Variants in GSG1L observed in about 807,000 individuals in gnomAD.
GSG1L encodes the protein GSG1 like, also known as germ cell-specific gene 1-like protein.
In GSG1L, 24 loss-of-function variants were observed where a neutral mutation model predicts 42.1. The observed-to-expected ratio is 0.57, with a 90% CI of 0.41 to 0.80. GSG1L has a LOEUF of 0.80. Among genes scored for constraint, GSG1L ranks in the 30% least tolerant of loss-of-function variants. The pLI, the probability that GSG1L is intolerant of heterozygous loss-of-function variation, is 0.00. For missense variants in GSG1L, 445 were observed against 472.2 expected (o/e 0.94, Z 0.53); for synonymous variants, 215 against 203.5 (o/e 1.06, Z -0.48).
At chr16:27,803,560 A>C (rs2082908300) in intron 6 of GSG1L, among the ~76,000 whole-genome samples, 1 of 151,990 alleles carries the variant, frequency 6.6e-6, no homozygotes, top group South Asian at 2.1e-4. Context: ...TTCCAGGGAA[A>C]CACAAACCAA....
intron 3 of GSG1L, among the ~76,000 whole-genome samples, chr16:27,862,952 G>A (rs1380159525): frequency 1.3e-5 from 2 of 151,972 alleles, no homozygotes; most frequent in East Asian, 1.9e-4. Flanking sequence ...GGGAAATAGA[G>A]TTCTATATAT....
chr16:28,057,549 G>A (rs962901695), intron 1 of GSG1L, among the ~76,000 whole-genome samples: 1 of 152,182 alleles, frequency 6.6e-6, no homozygotes, highest in Non-Finnish European at 1.5e-5. Context: ...CTATGAAGTG[G>A]CTCCATATTC....
intron 5 of GSG1L, among the ~76,000 whole-genome samples, chr16:27,814,953 A>G (rs1459158663): frequency 6.6e-6 from 1 of 151,682 alleles, no homozygotes. Flanking sequence ...TTCTTTTGAC[A>G]GGGTTCCACT....
intron 1 of GSG1L, among the ~76,000 whole-genome samples, chr16:27,996,111 C>G (rs1368820738): frequency 3.9e-5 from 6 of 152,112 alleles, no homozygotes; most frequent in Non-Finnish European, 7.4e-5. Context: ...AGCGCCCTCT[C>G]TCTCTCTCTG....
chr16:27,798,124 A>T (rs186850552), intron 6 of GSG1L, among the ~76,000 whole-genome samples: 14 of 152,316 alleles, frequency 9.2e-5, no homozygotes, highest in Admixed American at 9.2e-4. Flanking sequence ...CAACCTGAGC[A>T]TTATGCAATA....
chr16:27,880,734 G>A lies in GSG1L; in HGVS notation c.550+3752C>T, dbSNP rs77924705. On this transcript the variant is annotated intron_variant, in intron 3 of 6. Transcript: ENST00000447459. ...CATGAGAAGACTGCTTGCAAGAACC[G>A]GTGTTGGCTGCCTGTGGCCAACGAC... 2.5e-3 allele frequency among the ~76,000 whole-genome samples: 382 copies of A among 152,164 alleles called. 3 individuals are homozygous for A. Among genetic ancestry groups the A allele is most frequent in the Middle Eastern group, 0.01 (3 of 294 alleles).
At chr16:27,976,732 G>A (rs2085255096) in intron 1 of GSG1L, among the ~76,000 whole-genome samples, 1 of 152,100 alleles carries the variant, frequency 6.6e-6, no homozygotes, top group Admixed American at 6.6e-5. Context: ...TCCCATGGCT[G>A]GGTCTCTGTT....
chr16:28,062,218 C>T (rs1251276926), intron 1 of GSG1L, among the ~76,000 whole-genome samples: 1 of 152,236 alleles, frequency 6.6e-6, no homozygotes, highest in Non-Finnish European at 1.5e-5. Flanking sequence ...CCCCTGGGCC[C>T]TGCCACAGCC....
At chr16:28,045,657 A>G (rs2141189232) in intron 1 of GSG1L, among the ~76,000 whole-genome samples, 1 of 152,286 alleles carries the variant, frequency 6.6e-6, no homozygotes, top group South Asian at 2.1e-4. Flanking sequence ...AGCCTGAGCA[A>G]CAAGAACGAA....
At chr16:27,893,352 G>A (rs2084151499) in intron 2 of GSG1L, among the ~76,000 whole-genome samples, 1 of 152,130 alleles carries the variant, frequency 6.6e-6, no homozygotes, top group African/African-American at 2.4e-5. Flanking sequence ...ATCCTTGACT[G>A]AGTGAAAAAA....
intron 2 of GSG1L, among the ~76,000 whole-genome samples, chr16:27,888,927 GATAGATATAGATATAGATATAGAT>G (rs55977600): frequency 4.9e-5 from 7 of 142,110 alleles, no homozygotes; most frequent in Non-Finnish European, 7.6e-5. Flanking sequence ...CTTGTGCTTA[GATAGATATAGATATAGATATAGAT>G]ATAGATATAG....
At chr16:27,801,808 T>C (rs181721383) in intron 6 of GSG1L, among the ~76,000 whole-genome samples, 35 of 152,312 alleles carry the variant, frequency 2.3e-4, no homozygotes, top group Admixed American at 2.0e-3. Context: ...TAGCTGTGTA[T>C]TGAGTAAGCC....
chr16:27,859,879 G>A (rs530957342), intron 3 of GSG1L, among the ~76,000 whole-genome samples: 173 of 151,022 alleles, frequency 1.1e-3, no homozygotes, highest in African/African-American at 3.8e-3. Context: ...ACAGGGTCTC[G>A]CTCTGTTGGC....
intron 2 of GSG1L, among the ~76,000 whole-genome samples, chr16:27,908,635 A>G (rs1296859174): frequency 6.6e-6 from 1 of 152,158 alleles, no homozygotes; most frequent in Non-Finnish European, 1.5e-5. Flanking sequence ...GCGTCCTTGC[A>G]TGGCAGGAAG....
intron 3 of GSG1L, among the ~76,000 whole-genome samples, chr16:27,867,706 A>C (rs2083747011): frequency 6.6e-6 from 1 of 151,844 alleles, no homozygotes; most frequent in East Asian, 1.9e-4. Flanking sequence ...GCTGCCCTCT[A>C]CTGGCCACCA....
At chr16:28,004,047 G>A (rs1014469898) in intron 1 of GSG1L, among the ~76,000 whole-genome samples, 1 of 152,230 alleles carries the variant, frequency 6.6e-6, no homozygotes, top group Non-Finnish European at 1.5e-5. Context: ...GCCTGCTGGG[G>A]CTGCTGGGCT....
chr16:27,818,512 C>T lies in GSG1L; in HGVS notation c.830+10277G>A, dbSNP rs377476814. 3.0e-4 allele frequency among the ~76,000 whole-genome samples: 46 copies of T among 152,002 alleles called. 1 individual carries two copies. In the South Asian group the frequency reaches 8.3e-3, roughly 28 times the overall value. Reference sequence around the variant, plus strand: ...AAAGGACCCCAACACTGGGTGATGGCGTGCAAAGTGTTACCGAGAAATAAA... The same window carrying T: ...AAAGGACCCCAACACTGGGTGATGGTGTGCAAAGTGTTACCGAGAAATAAA... On this transcript the variant is annotated intron_variant, in intron 5 of 6. Transcript: ENST00000447459.
chr16:27,850,512 G>T, intron 3 of GSG1L: 2 of 455,698 alleles, frequency 4.4e-6, no homozygotes, highest in South Asian at 3.1e-5. Flanking sequence ...GAGAGAGAAG[G>T]GTCCCAGGAT....
rs199991139 is a variant in GSG1L, at chr16:27,947,384, A to AAAAGAAAGAAAGAAAGAAAG, written c.397+15752_397+15771dup. 9.0e-3 allele frequency among the ~76,000 whole-genome samples: 1,172 copies of AAAAGAAAGAAAGAAAGAAAG among 130,734 alleles called. 14 individuals carry two copies. Among genetic ancestry groups the AAAAGAAAGAAAGAAAGAAAG allele is most frequent in the Non-Finnish European group, 0.011 (712 of 63,538 alleles). The allele number at this position is 130,734 out of a possible 152,430, so 85.8% of individuals were successfully genotyped here. A position where few individuals can be genotyped will look rare whatever the true frequency, so the allele number is the denominator to read the frequency against. ...GGAGGAGGAGAGAAAGAAAGAAAGA[A>AAAAGAAAGAAAGAAAGAAAG]AAAGAAAGAAAGAAAGAAAGAAAGA... is the stretch of plus-strand genomic sequence containing the variant. On this transcript the variant is annotated intron_variant, in intron 2 of 6. Coordinates refer to ENST00000447459, the MANE Select transcript of GSG1L (RefSeq NM_001109763.2).
Sources: allele counts gnomAD v4.1 joint callset (sites outside exome capture counted in the v4.1 genomes callset), GRCh38; gene constraint gnomAD v4.1.1; transcripts MANE v1.5; gene names NCBI Gene and HGNC (gene_info 2026-07-23, HGNC 2026-07-21).